SAMD8: variants seen among roughly 807,000 people sequenced by gnomAD.
The protein encoded by SAMD8 is sphingomyelin synthase-related protein 1.
SAMD8 carries 20 observed loss-of-function variants against 42.0 expected under a neutral mutation model. The observed-to-expected ratio is 0.48, with a 90% CI of 0.34 to 0.69. The LOEUF (loss-of-function observed/expected upper bound fraction) is 0.69. Ranked by LOEUF, SAMD8 falls within the 30% of genes least tolerant of loss-of-function variation. The pLI is 0.01. For missense variants in SAMD8, 328 were observed against 511.6 expected, an observed-to-expected ratio of 0.64 and a Z score of 3.46; for synonymous variants, 162 against 173.0, an observed-to-expected ratio of 0.94 and a Z score of 0.50.
At position 75,163,370 on chromosome 10, in the gene SAMD8, C is replaced by T. The variant is rs184387567; in HGVS notation, c.579-1275C>T. Among the ~76,000 whole-genome samples, 85 of 152,238 alleles carry T rather than the reference C, an allele frequency of 5.6e-4. 1 individual carries two copies. The highest frequency in any genetic ancestry group is 2.0e-3 in the African/African-American group (82 of 41,564). On this transcript the variant is annotated intron_variant, in intron 2 of 5. Coordinates refer to ENST00000542569, the MANE Select transcript of SAMD8 (RefSeq NM_001174156.2). ...AGATGACCTATTGGACTATTTTGTTCGTTTCAGTCTCCTTCCCCTTCCTTT... is the reference window on the plus strand; with the variant it reads ...AGATGACCTATTGGACTATTTTGTTTGTTTCAGTCTCCTTCCCCTTCCTTT...
intron 2 of SAMD8, among the ~76,000 whole-genome samples, chr10:75,154,029 G>A (rs1401558975): frequency 6.6e-6 from 1 of 152,140 alleles, no homozygotes; most frequent in Admixed American, 6.5e-5. Context: ...GCCTCCCAAA[G>A]TATAGGGATT....
intron 2 of SAMD8, among the ~76,000 whole-genome samples, chr10:75,157,103 A>C (rs1230207661): frequency 1.3e-5 from 2 of 152,146 alleles, no homozygotes; most frequent in Non-Finnish European, 2.9e-5. Flanking sequence ...AATGAAAGCA[A>C]GCAAATGTGG....
upstream of SAMD8, among the ~76,000 whole-genome samples, chr10:75,107,449 G>A (rs893861433): frequency 6.6e-6 from 1 of 152,210 alleles, no homozygotes; most frequent in Non-Finnish European, 1.5e-5. Context: ...CTGTTCTGCT[G>A]TTTGGGAGAA....
rs761027123 is a variant in SAMD8 at position 75,151,001 on chromosome 10, A to G, written c.473A>G (p.Tyr158Cys). ...EYWKTILSCI[Y>C]VFIVFGFTSF... ...TGGAAGACTATACTGAGTTGTATAT[A>G]TGTTTTTATAGTATTTGGATTTACA... Residue 158 changes from tyrosine to cysteine, a missense_variant, in exon 2 of 6, where the codon TAT becomes TGT. Tyr to Cys is a radical substitution (Grantham distance 194). Transcript: ENST00000542569. The G allele has an allele frequency of 3.1e-6, 5 of 1,609,282 alleles. No individual in the cohort carries two copies. In the African/African-American group the frequency reaches 4.0e-5, roughly 13 times the overall value.
At chr10:75,101,782 C>T (rs1848173638) in intron 1 of SAMD8, 1 of 875,860 alleles carries the variant, frequency 1.1e-6, no homozygotes. Context: ...CCCCTCCCCA[C>T]ACAGGCACAA....
intron 1 of SAMD8, among the ~76,000 whole-genome samples, chr10:75,145,799 C>T (rs1840116940): frequency 6.6e-6 from 1 of 152,174 alleles, no homozygotes; most frequent in Non-Finnish European, 1.5e-5. Flanking sequence ...TTGAGAGTTG[C>T]TGCCTTAGGG....
chr10:75,168,778 TAAA>T, intron 4 of SAMD8, 120 bp downstream of exon 4: 1 of 631,036 alleles, frequency 1.6e-6, no homozygotes, highest in Non-Finnish European at 2.9e-6. Flanking sequence ...GCAATGTCTA[TAAA>T]AAAAACTATA....
intron 4 of SAMD8, among the ~76,000 whole-genome samples, chr10:75,172,748 G>A (rs373909991): frequency 2.6e-5 from 4 of 152,006 alleles, no homozygotes; most frequent in African/African-American, 7.2e-5. Flanking sequence ...CACCTGCCTC[G>A]ACCTCCGAAA....
rs568116739 is a variant in SAMD8, at chr10:75,147,819, T to G, written c.-15-2695T>G. The stretch of plus-strand genomic sequence containing the variant: ...TGTGAACTAAAACAGCAAAATCATA[T>G]TTCTAATGGAATTGTATATATGATA... On this transcript the variant is annotated intron_variant, in intron 1 of 5. Transcript: ENST00000542569. Among the ~76,000 whole-genome samples the G allele has an allele frequency of 9.9e-5, 15 of 152,264 alleles. No homozygotes were observed. In the South Asian group the frequency reaches 2.9e-3, roughly 29 times the overall value.
intron 1 of SAMD8, among the ~76,000 whole-genome samples, chr10:75,122,459 G>C (rs1170825449): frequency 6.6e-6 from 1 of 151,884 alleles, no homozygotes; most frequent in East Asian, 1.9e-4. Flanking sequence ...AAAAAAAATA[G>C]AAAAATTAGC....
upstream of SAMD8, chr10:75,107,869 A>T (rs1395267136): frequency 5.8e-6 from 7 of 1,209,694 alleles, no homozygotes; most frequent in Non-Finnish European, 8.0e-6. Flanking sequence ...GAGCCACCAC[A>T]CACGGCCTAA....
chr10:75,116,757 G>A (rs1848890227), intron 1 of SAMD8, among the ~76,000 whole-genome samples: 1 of 152,148 alleles, frequency 6.6e-6, no homozygotes, highest in Non-Finnish European at 1.5e-5. Context: ...GGAGTTTGAA[G>A]TCTTGAGCCA....
chr10:75,122,306 A>G (rs1849021916), intron 1 of SAMD8, among the ~76,000 whole-genome samples: 1 of 152,068 alleles, frequency 6.6e-6, no homozygotes, highest in African/African-American at 2.4e-5. Context: ...AAATTTTCTC[A>G]GTTTTTATTT....
chr10:75,100,175 GC>G (rs1848065314), intron 1 of SAMD8, among the ~76,000 whole-genome samples: 1 of 152,126 alleles, frequency 6.6e-6, no homozygotes. Flanking sequence ...AGGCAGCCAG[GC>G]TCCACCCCCA....
intron 2 of SAMD8, among the ~76,000 whole-genome samples, chr10:75,153,290 G>C (rs544205036): frequency 6.6e-6 from 1 of 151,956 alleles, no homozygotes; most frequent in South Asian, 2.1e-4. Context: ...CCCCTTGTTT[G>C]TTTTTTATAA....
chr10:75,154,004 G>C (rs560841796), intron 2 of SAMD8, among the ~76,000 whole-genome samples: 2 of 152,294 alleles, frequency 1.3e-5, no homozygotes, highest in East Asian at 1.9e-4. Flanking sequence ...TGACTCAAAT[G>C]ATCCACCCAC....
chr10:75,138,655 G>T (rs936046603), intron 1 of SAMD8, among the ~76,000 whole-genome samples: 1 of 152,026 alleles, frequency 6.6e-6, no homozygotes, highest in African/African-American at 2.4e-5. Context: ...TTTGCTCTTA[G>T]GCTGCTGAAA....
At chr10:75,105,989 T>A in intron 1 of SAMD8, 1 of 886,272 alleles carries the variant, frequency 1.1e-6, no homozygotes, top group Non-Finnish European at 1.8e-6. Flanking sequence ...CCTGAGCAAG[T>A]CACTCAGCCT....
chr10:75,107,592 G>C (rs903966011), upstream of SAMD8, among the ~76,000 whole-genome samples: 1 of 151,956 alleles, frequency 6.6e-6, no homozygotes, highest in East Asian at 1.9e-4. Context: ...TTTTTGGCGG[G>C]GGGGGATGGA....
Sources: allele counts gnomAD v4.1 joint callset (sites outside exome capture counted in the v4.1 genomes callset), GRCh38; gene constraint gnomAD v4.1.1; transcripts MANE v1.5; gene names NCBI Gene and HGNC (gene_info 2026-07-23, HGNC 2026-07-21).